DLC1: variants seen among roughly 807,000 people sequenced by gnomAD.
DLC1 encodes rho GTPase-activating protein 7.
In DLC1, 54 loss-of-function variants were observed where a neutral mutation model predicts 140.3. The ratio of observed to expected loss-of-function variants is 0.38; its 90% CI spans 0.31 to 0.48. The LOEUF is 0.48. Ranked by LOEUF, DLC1 falls within the 20% of genes least tolerant of loss-of-function variation. The pLI, the probability that DLC1 is intolerant of heterozygous loss-of-function variation, is 0.96. For missense variants in DLC1, 2,536 were observed against 1,907.0 expected (o/e 1.33, Z -6.14); for synonymous variants, 986 against 728.1 (o/e 1.35, Z -5.70).
chr8:13,271,820 T>C (rs1331799923), intron 5 of DLC1, among the ~76,000 whole-genome samples: 1 of 152,186 alleles, frequency 6.6e-6, no homozygotes, highest in Non-Finnish European at 1.5e-5. Flanking sequence ...GGACTACAGA[T>C]GGTCACCACC....
At chr8:13,402,133 G>A (rs1023467012) in intron 2 of DLC1, among the ~76,000 whole-genome samples, 4 of 152,246 alleles carry the variant, frequency 2.6e-5, no homozygotes, top group African/African-American at 9.6e-5. Context: ...GGGCCATTTA[G>A]CCACTGCTAC....
rs560469203 is a variant in DLC1 at position 13,297,527 on chromosome 8, C to G, written c.1348+7742G>C. Among the ~76,000 whole-genome samples, 3 of 152,022 alleles carry G rather than the reference C, an allele frequency of 2.0e-5. No individual in the cohort carries two copies. The East Asian group carries it at 5.8e-4, about 29-fold the overall frequency. ...TACATTTGGCTTTGGGAATGTCATGCAAATAGAGCAAAACATTTGCTGATT... is the reference window on the plus strand; with the variant it reads ...TACATTTGGCTTTGGGAATGTCATGGAAATAGAGCAAAACATTTGCTGATT... On this transcript the variant is annotated intron_variant, in intron 5 of 17. Coordinates refer to ENST00000276297, the MANE Select transcript of DLC1 (RefSeq NM_182643.3).
chr8:13,573,190 A>C (rs1055287753), intron 1 of DLC1, among the ~76,000 whole-genome samples: 1 of 152,034 alleles, frequency 6.6e-6, no homozygotes, highest in Non-Finnish European at 1.5e-5. Flanking sequence ...CCTTTGTTCA[A>C]TGTATTCGTA....
At chr8:13,434,142 A>G (rs1291797922) in intron 2 of DLC1, among the ~76,000 whole-genome samples, 4 of 151,992 alleles carry the variant, frequency 2.6e-5, no homozygotes, top group African/African-American at 7.2e-5. Flanking sequence ...CTCCCAAAGT[A>G]CTGGGATTAC....
chr8:13,402,364 T>A (rs1053140392), intron 2 of DLC1, among the ~76,000 whole-genome samples: 1 of 152,182 alleles, frequency 6.6e-6, no homozygotes, highest in Admixed American at 6.5e-5. Context: ...GACTCAACCA[T>A]TCTGGTGTGT....
chr8:13,394,442 A>T (rs146221334), intron 3 of DLC1, among the ~76,000 whole-genome samples: 1 of 152,142 alleles, frequency 6.6e-6, no homozygotes, highest in East Asian at 1.9e-4. Context: ...TGAGGTCAAG[A>T]CATGTCTGTT....
intron 5 of DLC1, among the ~76,000 whole-genome samples, chr8:13,146,313 A>G (rs1452044101): frequency 1.3e-5 from 2 of 151,856 alleles, no homozygotes; most frequent in African/African-American, 4.8e-5. Context: ...TAATAGTTGT[A>G]GTAATATCAC....
At chr8:13,109,530 C>G (rs1265836520) in intron 7 of DLC1, among the ~76,000 whole-genome samples, 1 of 151,626 alleles carries the variant, frequency 6.6e-6, no homozygotes, top group Non-Finnish European at 1.5e-5. Context: ...GCACTCCAGC[C>G]TGAGCGACAG....
chr8:13,215,134 C>G (rs1033183160), intron 5 of DLC1, among the ~76,000 whole-genome samples: 2 of 152,174 alleles, frequency 1.3e-5, no homozygotes, highest in Non-Finnish European at 2.9e-5. Context: ...AGCTTACATG[C>G]TAACGGAGCC....
intron 1 of DLC1, among the ~76,000 whole-genome samples, chr8:13,507,593 A>G (rs909967295): frequency 2.6e-5 from 4 of 152,322 alleles, no homozygotes; most frequent in Middle Eastern, 3.4e-3. Context: ...AATCCCACAC[A>G]AAATCATTAT....
chr8:13,307,070 A>T (rs1389496682), intron 4 of DLC1, among the ~76,000 whole-genome samples: 1 of 117,186 alleles, frequency 8.5e-6, no homozygotes, highest in South Asian at 3.4e-4. Context: ...GGTGACAGAG[A>T]GAGACTCTGT....
chr8:13,419,730 A>C (rs1297328222), intron 2 of DLC1, among the ~76,000 whole-genome samples: 5 of 152,226 alleles, frequency 3.3e-5, no homozygotes, highest in Admixed American at 1.3e-4. Flanking sequence ...GGCCTCATAA[A>C]ATGAGTTAGG....
chr8:13,328,377 A>G (rs1833453571), intron 4 of DLC1, among the ~76,000 whole-genome samples: 1 of 152,088 alleles, frequency 6.6e-6, no homozygotes, highest in South Asian at 2.1e-4. Flanking sequence ...AGAGAGGTGT[A>G]TTTTGGTTCT....
At chr8:13,236,009 A>G (rs758220647) in intron 5 of DLC1, among the ~76,000 whole-genome samples, 1 of 152,010 alleles carries the variant, frequency 6.6e-6, no homozygotes, top group East Asian at 1.9e-4. Flanking sequence ...TAATTAAGAT[A>G]TTAACCAAAT....
chr8:13,213,238 T>C (rs1828028556), intron 5 of DLC1, among the ~76,000 whole-genome samples: 1 of 152,232 alleles, frequency 6.6e-6, no homozygotes, highest in Middle Eastern at 3.2e-3. Context: ...GCAAAATGAC[T>C]ACACAGACGT....
intron 5 of DLC1, among the ~76,000 whole-genome samples, chr8:13,217,854 CAA>C (rs199615802): frequency 2.5e-5 from 3 of 120,932 alleles, no homozygotes; most frequent in African/African-American, 8.9e-5. Context: ...AAAACAACAA[CAA>C]AAAAAAACCA....
intron 4 of DLC1, among the ~76,000 whole-genome samples, chr8:13,379,594 A>T (rs1379080400): frequency 6.6e-6 from 1 of 152,182 alleles, no homozygotes; most frequent in Non-Finnish European, 1.5e-5. Flanking sequence ...AAGTCAAATC[A>T]TTGTAAATTG....
At chr8:13,402,279 A>G (rs1337179985) in intron 2 of DLC1, among the ~76,000 whole-genome samples, 1 of 152,226 alleles carries the variant, frequency 6.6e-6, no homozygotes, top group Non-Finnish European at 1.5e-5. Context: ...TACTACAGAC[A>G]TATGTTGATA....
At chr8:13,449,621 G>T (rs1189455347) in intron 2 of DLC1, among the ~76,000 whole-genome samples, 2 of 148,926 alleles carry the variant, frequency 1.3e-5, no homozygotes, top group Non-Finnish European at 3.0e-5. Flanking sequence ...ATAGAACAAT[G>T]AGAACACTTG....
Sources: gnomAD v4.1 joint callset for allele counts (sites outside exome capture counted in the v4.1 genomes callset) on GRCh38, gnomAD v4.1.1 for gene constraint, MANE v1.5 for transcripts, NCBI Gene and HGNC (gene_info 2026-07-23, HGNC 2026-07-21) for gene names.